Variants in PCSK2 observed in about 807,000 individuals in gnomAD.
PCSK2 encodes neuroendocrine convertase 2.
In PCSK2, 14 loss-of-function variants were observed where a neutral mutation model predicts 69.7. That is an observed-to-expected ratio of 0.20 (90% CI 0.13 to 0.31). The LOEUF is 0.31. PCSK2 is among the 10% of genes least tolerant of loss of function. The pLI, the probability that PCSK2 is intolerant of heterozygous loss-of-function variation, is 1.00. For missense variants in PCSK2, 544 were observed against 842.5 expected, an observed-to-expected ratio of 0.65 and a Z score of 4.39; for synonymous variants, 307 against 320.7, an observed-to-expected ratio of 0.96 and a Z score of 0.46.
chr20:17,275,352 A>T (rs1988027706), intron 2 of PCSK2, among the ~76,000 whole-genome samples: 1 of 152,058 alleles, frequency 6.6e-6, no homozygotes, highest in Admixed American at 6.6e-5. Flanking sequence ...CCGAGTTCTA[A>T]TCACAGCTCA....
chr20:17,301,879 T>G (rs1465763215), intron 2 of PCSK2, among the ~76,000 whole-genome samples: 1 of 152,076 alleles, frequency 6.6e-6, no homozygotes, highest in East Asian at 1.9e-4. Flanking sequence ...TGAAGTGAGC[T>G]GAGATCATGC....
chr20:17,399,774 G>C (rs1027075283), intron 5 of PCSK2, among the ~76,000 whole-genome samples: 2 of 152,174 alleles, frequency 1.3e-5, no homozygotes, highest in African/African-American at 4.8e-5. Context: ...CAGAAACCCA[G>C]GGGCCACCAG....
intron 6 of PCSK2, among the ~76,000 whole-genome samples, chr20:17,414,898 C>A (rs368248661): frequency 6.6e-6 from 1 of 152,118 alleles, no homozygotes; most frequent in South Asian, 2.1e-4. Context: ...AATCAGTAAA[C>A]GTAATCCATC....
At position 17,227,053 on chromosome 20, in the gene PCSK2, G is replaced by A. The variant is rs1341634394; in HGVS notation, c.-253G>A. The A allele has an allele frequency of 2.0e-6, 1 of 491,886 alleles. No homozygotes were observed. Among genetic ancestry groups the A allele is most frequent in the Non-Finnish European group, 3.6e-6 (1 of 277,850 alleles). The allele number at this position is 491,886 out of a possible 1,614,324, so 30.5% of individuals were successfully genotyped here. ...AGACCTACACTCGCTCTTTCTCTCC[G>A]GTACACACAGCTCCCCACATTCGCA... On this transcript the variant is annotated 5_prime_UTR_variant, in exon 1 of 12. Coordinates refer to ENST00000262545, the MANE Select transcript of PCSK2 (RefSeq NM_002594.5).
chr20:17,327,892 A>G (rs1990108896), intron 2 of PCSK2, among the ~76,000 whole-genome samples: 3 of 152,210 alleles, frequency 2.0e-5, no homozygotes, highest in African/African-American at 7.2e-5. Context: ...AGTGCTTCCA[A>G]ATTTATTTAC....
intron 2 of PCSK2, among the ~76,000 whole-genome samples, chr20:17,320,070 C>T (rs565099309): frequency 6.6e-6 from 1 of 152,082 alleles, no homozygotes; most frequent in African/African-American, 2.4e-5. Flanking sequence ...GGTAAACAAG[C>T]AGATGTAATG....
chr20:17,481,474 T>C (rs2033400818), intron 11 of PCSK2, 110 bp from the exon 12 acceptor site: 1 of 905,650 alleles, frequency 1.1e-6, no homozygotes, highest in Non-Finnish European at 1.7e-6. Context: ...CAGGTCTGAT[T>C]GATCAACCCC....
chr20:17,372,430 AAAAT>A (rs1415334323), intron 5 of PCSK2, among the ~76,000 whole-genome samples: 1 of 148,388 alleles, frequency 6.7e-6, no homozygotes, highest in African/African-American at 2.5e-5. Flanking sequence ...TAAATAAATA[AAAAT>A]AAAAGATTAG....
intron 5 of PCSK2, among the ~76,000 whole-genome samples, chr20:17,393,817 G>T (rs2031444718): frequency 6.6e-6 from 1 of 151,974 alleles, no homozygotes; most frequent in Non-Finnish European, 1.5e-5. Flanking sequence ...CACCTCCATA[G>T]CTAAGTGTGG....
chr20:17,452,465 G>A (rs1021993882), intron 8 of PCSK2, among the ~76,000 whole-genome samples: 4 of 152,172 alleles, frequency 2.6e-5, no homozygotes, highest in African/African-American at 4.8e-5. Context: ...ATTGTCAGGC[G>A]GCAGAGAGCA....
intron 1 of PCSK2, among the ~76,000 whole-genome samples, chr20:17,234,159 A>C (rs1264629825): frequency 6.6e-6 from 1 of 152,220 alleles, no homozygotes; most frequent in Admixed American, 6.5e-5. Flanking sequence ...CCTCGAAGGC[A>C]AACCGAGCCA....
chr20:17,472,930 A>C (rs923642478), intron 11 of PCSK2, among the ~76,000 whole-genome samples: 5 of 152,158 alleles, frequency 3.3e-5, no homozygotes. Flanking sequence ...CCTGGGAAGC[A>C]ACACCTATTT....
At chr20:17,323,339 C>G (rs1423067884) in intron 2 of PCSK2, among the ~76,000 whole-genome samples, 2 of 152,156 alleles carry the variant, frequency 1.3e-5, no homozygotes, top group Admixed American at 6.5e-5. Flanking sequence ...CATCTGCAAG[C>G]CAAGGAGAGG....
At chr20:17,329,363 A>T (rs964170023) in intron 2 of PCSK2, among the ~76,000 whole-genome samples, 9 of 152,242 alleles carry the variant, frequency 5.9e-5, no homozygotes, top group African/African-American at 1.9e-4. Context: ...AGCTAACCCC[A>T]AAACATCTTG....
intron 10 of PCSK2, among the ~76,000 whole-genome samples, chr20:17,457,849 A>G (rs1364647196): frequency 6.6e-6 from 1 of 152,224 alleles, no homozygotes; most frequent in Admixed American, 6.5e-5. Context: ...CAACCTCAGA[A>G]GTCAGGACTT....
intron 2 of PCSK2, among the ~76,000 whole-genome samples, chr20:17,310,859 G>A (rs905850624): frequency 4.0e-5 from 6 of 151,312 alleles, no homozygotes; most frequent in South Asian, 2.1e-4. Flanking sequence ...TTTGTATTAC[G>A]GGCGTGGTGG....
intron 1 of PCSK2, among the ~76,000 whole-genome samples, chr20:17,239,914 C>T (rs372545353): frequency 8.4e-6 from 1 of 119,748 alleles, no homozygotes; most frequent in African/African-American, 3.3e-5. Context: ...AGTGCAATGG[C>T]GCGATCTCAG....
Position 17,453,870 on chromosome 20 carries a change from C to T in PCSK2, c.1014C>T (p.Gly338=). The T allele has an allele frequency of 6.2e-7, 1 of 1,614,278 alleles. No individual in the cohort carries two copies. Among genetic ancestry groups the T allele is most frequent in the Non-Finnish European group, 8.5e-7 (1 of 1,180,060 alleles). ...CCATCAACTCAGCCATCAACGACGGCAGGACTGCCCTGTACGACGAGAGCT... is the reference window on the plus strand; with the variant it reads ...CCATCAACTCAGCCATCAACGACGGTAGGACTGCCCTGTACGACGAGAGCT... The part of the protein sequence containing the change: ...TISINSAIND[G]RTALYDESCS... Residue 338 remains glycine, a synonymous_variant, in exon 9 of 12, where the codon GGC becomes GGT. Transcript: ENST00000262545. This position sits in a 1 kb window ranked among gnomAD's most constrained non-coding sequence, Gnocchi z 4.0.
chr20:17,350,215 G>T (rs1330045390), intron 2 of PCSK2, among the ~76,000 whole-genome samples: 1 of 149,396 alleles, frequency 6.7e-6, no homozygotes, highest in Non-Finnish European at 1.5e-5. Flanking sequence ...GGTACTGGAG[G>T]TTAGCGCCTT....
Sources: allele counts gnomAD v4.1 joint callset (sites outside exome capture counted in the v4.1 genomes callset), GRCh38; gene constraint gnomAD v4.1.1; non-coding constraint Gnocchi (gnomAD v3.1); transcripts MANE v1.5; gene names NCBI Gene and HGNC (gene_info 2026-07-23, HGNC 2026-07-21).